The following CTNNA3 variants were observed in gnomAD, a reference collection of about 807,000 sequenced individuals.
CTNNA3 encodes the protein catenin alpha 3.
In CTNNA3, 76 loss-of-function variants were observed where a neutral mutation model predicts 95.7. The observed-to-expected ratio is 0.79, with a 90% CI of 0.66 to 0.96. CTNNA3 has a LOEUF of 0.96. Among genes scored for constraint, CTNNA3 ranks in the 40% least tolerant of loss-of-function variants. The probability of loss-of-function intolerance (pLI) is 0.00; values close to 1 mark genes in which losing one functional copy is unlikely to be tolerated. For synonymous variants in CTNNA3, 431 were observed against 374.4 expected, an observed-to-expected ratio of 1.15 and a Z score of -1.74; for missense variants, 1,191 against 1,089.8, an observed-to-expected ratio of 1.09 and a Z score of -1.31.
intron 5 of CTNNA3, among the ~76,000 whole-genome samples, chr10:67,438,929 C>T (rs1846398828): frequency 1.3e-5 from 2 of 152,198 alleles, no homozygotes; most frequent in South Asian, 2.1e-4. Flanking sequence ...TGACAAACAT[C>T]ACCACTGCGG....
At chr10:67,697,504 A>G (rs987390086), upstream of CTNNA3, among the ~76,000 whole-genome samples, 10 of 152,208 alleles carry the variant, frequency 6.6e-5, no homozygotes, top group African/African-American at 2.4e-4. Flanking sequence ...TGAAACCACA[A>G]TAAGTTACTT....
At chr10:66,324,853 A>G (rs1275728824) in intron 12 of CTNNA3, among the ~76,000 whole-genome samples, 1 of 137,140 alleles carries the variant, frequency 7.3e-6, no homozygotes, top group African/African-American at 2.8e-5. Flanking sequence ...AACCAAGCAC[A>G]GCCAAATGAA....
At chr10:66,937,490 G>T (rs189187058) in intron 7 of CTNNA3, among the ~76,000 whole-genome samples, 2 of 152,008 alleles carry the variant, frequency 1.3e-5, no homozygotes, top group African/African-American at 4.8e-5. Context: ...ACCACAATGC[G>T]CTTTGAAAGT....
intron 7 of CTNNA3, among the ~76,000 whole-genome samples, chr10:67,092,690 G>T (rs977130540): frequency 1.3e-5 from 2 of 151,814 alleles, no homozygotes; most frequent in African/African-American, 4.8e-5. Context: ...ACATATGAAT[G>T]GGAAAAAGAC....
chr10:67,243,285 T>C (rs1865785564), intron 5 of CTNNA3, among the ~76,000 whole-genome samples: 1 of 151,794 alleles, frequency 6.6e-6, no homozygotes, highest in Admixed American at 6.6e-5. Flanking sequence ...ACCCCCACCA[T>C]TAGGTAAGGT....
chr10:66,599,231 A>ATT (rs1843831824), intron 10 of CTNNA3, among the ~76,000 whole-genome samples: 2 of 152,054 alleles, frequency 1.3e-5, no homozygotes, highest in African/African-American at 2.4e-5. Context: ...AGAAACTGAA[A>ATT]TAATGATTAT....
Position 67,426,806 on chromosome 10 carries a change from T to TA in CTNNA3, c.579+95035dup, listed in dbSNP as rs200822197. On this transcript the variant is annotated intron_variant, in intron 5 of 17. Transcript: ENST00000433211. ...TGTACCCTAGAACTTAAAGTATAAT[T>TA]AAAAAAAAAAAAGAAAGTTGTTAAG... 6.3e-3 allele frequency among the ~76,000 whole-genome samples: 881 copies of TA among 140,228 alleles called. 10 individuals are homozygous for TA. Among genetic ancestry groups the TA allele is most frequent in the African/African-American group, 0.019 (743 of 38,396 alleles). 92.0% of individuals were successfully genotyped at this position (140,228 alleles called of 152,430 possible). A position where few individuals can be genotyped will look rare whatever the true frequency, so the allele number is the denominator to read the frequency against.
chr10:66,236,049 C>T (rs767986673), intron 13 of CTNNA3, among the ~76,000 whole-genome samples: 3 of 152,060 alleles, frequency 2.0e-5, no homozygotes, highest in Non-Finnish European at 2.9e-5. Flanking sequence ...TAAGTCTCTC[C>T]CCTTGGGTTG....
At chr10:66,671,737 C>G (rs1042817278) in intron 9 of CTNNA3, among the ~76,000 whole-genome samples, 3 of 152,114 alleles carry the variant, frequency 2.0e-5, no homozygotes, top group Non-Finnish European at 4.4e-5. Flanking sequence ...GTCAGACTAC[C>G]TAGATTTCAG....
At chr10:67,204,351 G>A (rs1430310671) in intron 6 of CTNNA3, among the ~76,000 whole-genome samples, 3 of 149,922 alleles carry the variant, frequency 2.0e-5, no homozygotes, top group Admixed American at 2.0e-4. Context: ...AGATCTGCTT[G>A]TTTGAAAGTG....
chr10:66,099,633 A>G (rs912475963), intron 14 of CTNNA3, among the ~76,000 whole-genome samples: 1 of 152,074 alleles, frequency 6.6e-6, no homozygotes, highest in South Asian at 2.1e-4. Flanking sequence ...GTTGTAATAA[A>G]CTCACAAGGC....
At chr10:66,958,754 C>T (rs1032332874) in intron 7 of CTNNA3, among the ~76,000 whole-genome samples, 4 of 152,084 alleles carry the variant, frequency 2.6e-5, no homozygotes, top group African/African-American at 7.2e-5. Context: ...GCAAACTATC[C>T]TAATTTTGAT....
intron 7 of CTNNA3, among the ~76,000 whole-genome samples, chr10:67,018,000 G>A (rs560638614): frequency 6.6e-6 from 1 of 152,218 alleles, no homozygotes; most frequent in South Asian, 2.1e-4. Context: ...TCAAACTCCT[G>A]ACCTCAAGTG....
intron 9 of CTNNA3, among the ~76,000 whole-genome samples, chr10:66,701,215 T>C (rs756607099): frequency 6.6e-6 from 1 of 152,194 alleles, no homozygotes; most frequent in Non-Finnish European, 1.5e-5. Flanking sequence ...TTTCTATTGA[T>C]CTATTTTTCT....
intron 11 of CTNNA3, among the ~76,000 whole-genome samples, chr10:66,379,567 T>C (rs1196171188): frequency 6.6e-6 from 1 of 152,202 alleles, no homozygotes; most frequent in African/African-American, 2.4e-5. Context: ...GTTACATTTT[T>C]AAGAGAAATT....
chr10:66,158,706 G>C (rs879923464), intron 13 of CTNNA3, among the ~76,000 whole-genome samples: 3 of 151,898 alleles, frequency 2.0e-5, no homozygotes, highest in Admixed American at 6.6e-5. Flanking sequence ...TAATTTAATG[G>C]AAATTGCATT....
chr10:66,540,010 T>G (rs554553354), intron 10 of CTNNA3, among the ~76,000 whole-genome samples: 1 of 152,276 alleles, frequency 6.6e-6, no homozygotes, highest in African/African-American at 2.4e-5. Flanking sequence ...TTAACTCATT[T>G]TCTGTCTATC....
At chr10:67,255,190 G>A (rs757642175) in intron 5 of CTNNA3, among the ~76,000 whole-genome samples, 1 of 152,082 alleles carries the variant, frequency 6.6e-6, no homozygotes, top group Non-Finnish European at 1.5e-5. Flanking sequence ...AGCTACTCAG[G>A]GGGCTGAGGC....
At position 66,685,321 on chromosome 10, in the gene CTNNA3, G is replaced by A. The variant is rs368231102; in HGVS notation, c.1282-63537C>T. On this transcript the variant is annotated intron_variant, in intron 9 of 17. Transcript: ENST00000433211. Reference sequence around the variant, plus strand: ...TGTGTATATATATGTGTGTGTGTATGTGTGTATATATATATATATATATAT... The same window carrying A: ...TGTGTATATATATGTGTGTGTGTATATGTGTATATATATATATATATATAT... Among the ~76,000 whole-genome samples, 137 of 21,950 alleles carry A rather than the reference G, an allele frequency of 6.2e-3. 3 individuals are homozygous for A. The highest frequency in any genetic ancestry group is 0.029 in the East Asian group (19 of 652). 14.4% of individuals were successfully genotyped at this position (21,950 alleles called of 152,430 possible).
Sources: gnomAD v4.1 joint callset for allele counts (sites outside exome capture counted in the v4.1 genomes callset) on GRCh38, gnomAD v4.1.1 for gene constraint, MANE v1.5 for transcripts, NCBI Gene and HGNC (gene_info 2026-07-23, HGNC 2026-07-21) for gene names.